WASHC2A: variants seen among roughly 807,000 people sequenced by gnomAD.
WASHC2A encodes WASH complex subunit 2A.
Under a neutral mutation model 140.3 loss-of-function variants are expected in WASHC2A, and 82 were observed. That is an observed-to-expected ratio of 0.58 (90% confidence interval 0.49 to 0.70). WASHC2A has a LOEUF of 0.70. Ranked by LOEUF, WASHC2A falls within the 30% of genes least tolerant of loss-of-function variation. The pLI, the probability that WASHC2A is intolerant of heterozygous loss-of-function variation, is 0.00. For synonymous variants in WASHC2A, 340 were observed against 560.8 expected, an observed-to-expected ratio of 0.61 and a Z score of 5.56; for missense variants, 985 against 1,521.8, an observed-to-expected ratio of 0.65 and a Z score of 5.87.
Position 50,091,417 on chromosome 10 carries a change from T to C in WASHC2A, c.844-14T>C. 1 of 1,549,322 alleles carries C rather than the reference T, an allele frequency of 6.5e-7. No individual in the cohort carries two copies. The highest frequency in any genetic ancestry group is 2.4e-5 in the East Asian group (1 of 40,904). Reference sequence around the variant, plus strand: ...GTTACAAAAAAGCGATTCTTTTGATTTCTCCTGCTGTAGAAAAGAAGCAGA... The same window carrying C: ...GTTACAAAAAAGCGATTCTTTTGATCTCTCCTGCTGTAGAAAAGAAGCAGA... On this transcript the variant is annotated splice_polypyrimidine_tract_variant and intron_variant, in intron 9 of 30. Transcript: ENST00000282633.
chr10:50,079,760 G>T (rs1191968880), intron 4 of WASHC2A, among the ~76,000 whole-genome samples: 1 of 151,984 alleles, frequency 6.6e-6, no homozygotes, highest in Non-Finnish European at 1.5e-5. Flanking sequence ...GTAGTATCTG[G>T]TTATACCAAT....
chr10:50,100,859 C>T (rs1426431518), intron 17 of WASHC2A, among the ~76,000 whole-genome samples: 1 of 152,310 alleles, frequency 6.6e-6, no homozygotes, highest in East Asian at 1.9e-4. Context: ...CTCAGAATTT[C>T]ACTGCTTTTC....
chr10:50,107,393 A>G (rs1589242874), intron 19 of WASHC2A, among the ~76,000 whole-genome samples: 1 of 146,696 alleles, frequency 6.8e-6, no homozygotes, highest in Admixed American at 7.0e-5. Context: ...TGCTAACTCA[A>G]TCAGATTTAG....
Position 50,076,981 on chromosome 10 carries a change from G to A in WASHC2A, c.292-1694G>A, listed in dbSNP as rs1405052461. 1.1e-4 allele frequency among the ~76,000 whole-genome samples: 17 copies of A among 151,340 alleles called. 1 individual carries two copies. Among genetic ancestry groups the A allele is most frequent in the Middle Eastern group, 3.4e-3 (1 of 294 alleles). On this transcript the variant is annotated intron_variant, in intron 3 of 30. Coordinates refer to ENST00000282633, the MANE Select transcript of WASHC2A (RefSeq NM_001005751.3). ...TACAAAAAAAATTAGCTGGGCATGG[G>A]TGGCAGGCACCTGTAGTCCCAGCTA...
In WASHC2A at chr10:50,110,185, C is replaced by T. The variant is rs1554889884; in HGVS notation, c.1954C>T (p.Gln652Ter). 3 of 1,611,566 alleles carry T rather than the reference C, an allele frequency of 1.9e-6. No individual in the cohort carries two copies. Among genetic ancestry groups the T allele is most frequent in the Non-Finnish European group, 2.5e-6 (3 of 1,179,794 alleles). ...KGEPRDSGTL[Q>*]SQEAKAVKKT... The stretch of plus-strand genomic sequence containing the variant: ...AGAACCCAGGGATTCTGGGACCCTC[C>T]AGAGCCAGGAGGCCAAGGCTGTGAA... The change falls in exon 20 of 31, where the codon CAG becomes TAG. Residue 652 changes from glutamine to a stop codon, truncating the protein, a stop_gained. Coordinates refer to ENST00000282633, the MANE Select transcript of WASHC2A (RefSeq NM_001005751.3). LOFTEE classifies it high-confidence loss of function.
At chr10:50,126,336 T>C in intron 26 of WASHC2A, 157 bp downstream of exon 26, 2 of 1,294,288 alleles carry the variant, frequency 1.5e-6, no homozygotes, top group Non-Finnish European at 2.1e-6. Flanking sequence ...CCCCAAGTCA[T>C]CTCCCCTCTC....
intron 19 of WASHC2A, 118 bp downstream of exon 19, chr10:50,106,583 A>G: frequency 6.8e-7 from 1 of 1,474,420 alleles, no homozygotes. Flanking sequence ...ACCAAAGGCG[A>G]TGTTCACAAG....
At chr10:50,072,888 C>T (rs1200374442) in intron 3 of WASHC2A, among the ~76,000 whole-genome samples, 1 of 152,192 alleles carries the variant, frequency 6.6e-6, no homozygotes, top group Non-Finnish European at 1.5e-5. Context: ...GGTAATTTAT[C>T]AGAAACATTC....
chr10:50,087,335 T>A lies in WASHC2A; in HGVS notation c.732+13T>A. 1 of 1,613,986 alleles carries A rather than the reference T, an allele frequency of 6.2e-7. No homozygotes were observed. The highest frequency in any genetic ancestry group is 8.5e-7 in the Non-Finnish European group (1 of 1,179,858). ...TGAACAAAACCGGGTAAGGCTCATA[T>A]ATTGAAATGACTTTGTTTTTACATT... On this transcript the variant is annotated intron_variant, in intron 8 of 30. Coordinates refer to ENST00000282633, the MANE Select transcript of WASHC2A (RefSeq NM_001005751.3).
Position 50,071,970 on chromosome 10 carries a change from A to G in WASHC2A, c.291+2259A>G, listed in dbSNP as rs1196369629. 2.5e-4 allele frequency among the ~76,000 whole-genome samples: 33 copies of G among 130,422 alleles called. 1 individual carries two copies. The highest frequency in any genetic ancestry group is 4.9e-5 in the Non-Finnish European group (3 of 61,574). 85.6% of individuals were successfully genotyped at this position (130,422 alleles called of 152,430 possible). ...GTCATCCAGGCTGGAGTGCAGTGAC[A>G]CCATCTCGGCTCACTGCAACATCCG... On this transcript the variant is annotated intron_variant, in intron 3 of 30. Coordinates refer to ENST00000282633, the MANE Select transcript of WASHC2A (RefSeq NM_001005751.3).
chr10:50,100,430 C>T (rs1185683033), intron 17 of WASHC2A, among the ~76,000 whole-genome samples: 4 of 151,866 alleles, frequency 2.6e-5, no homozygotes, highest in African/African-American at 9.7e-5. Context: ...TGCAATGAAC[C>T]GAGATCACAC....
intron 17 of WASHC2A, among the ~76,000 whole-genome samples, chr10:50,103,169 A>G (rs1326623076): frequency 2.0e-5 from 3 of 151,964 alleles, no homozygotes; most frequent in African/African-American, 7.2e-5. Context: ...TTTAGAATCT[A>G]TCAGGTCTTA....
At chr10:50,094,580 C>T (rs1260645213) in intron 13 of WASHC2A, among the ~76,000 whole-genome samples, 2 of 152,316 alleles carry the variant, frequency 1.3e-5, no homozygotes, top group African/African-American at 2.4e-5. Flanking sequence ...TTCTAAGTGC[C>T]GAGTCTCCCG....
intron 3 of WASHC2A, 77 bp downstream of exon 3, chr10:50,069,788 T>C (rs574402283): frequency 1.4e-6 from 2 of 1,453,856 alleles, no homozygotes; most frequent in Admixed American, 4.6e-5. Flanking sequence ...TACTGTTAGG[T>C]TCCCTCCTAA....
rs1222488250 is a variant in WASHC2A, at chr10:50,119,993, G to A, written c.2478+224G>A. ...TTAGAATTTCACCCCCCCTCTTCTGGGATTTACAGACCTTGTTGTTCCTTC... is the reference window on the plus strand; with the variant it reads ...TTAGAATTTCACCCCCCCTCTTCTGAGATTTACAGACCTTGTTGTTCCTTC... On this transcript the variant is annotated intron_variant, in intron 23 of 30. Coordinates refer to ENST00000282633, the MANE Select transcript of WASHC2A (RefSeq NM_001005751.3). Among the ~76,000 whole-genome samples, 2 of 137,096 alleles carry A rather than the reference G, an allele frequency of 1.5e-5. 1 individual carries two copies. The highest frequency in any genetic ancestry group is 6.6e-3 in the Middle Eastern group (2 of 302). 89.9% of individuals were successfully genotyped at this position (137,096 alleles called of 152,430 possible). A position where few individuals can be genotyped will look rare whatever the true frequency, so the allele number is the denominator to read the frequency against.
chr10:50,072,921 C>A (rs1304320575), intron 3 of WASHC2A, among the ~76,000 whole-genome samples: 1 of 152,130 alleles, frequency 6.6e-6, no homozygotes, highest in Non-Finnish European at 1.5e-5. Flanking sequence ...GTTTCTGGGT[C>A]TTATTAATTA....
At chr10:50,082,781 A>G (rs1839028004) in intron 5 of WASHC2A, among the ~76,000 whole-genome samples, 1 of 145,232 alleles carries the variant, frequency 6.9e-6, no homozygotes, top group African/African-American at 2.6e-5. Context: ...CAACCGACCA[A>G]CCCTAAATTT....
At position 50,129,423 on chromosome 10, in the gene WASHC2A, G is replaced by T. The variant is rs555524419; in HGVS notation, c.3092G>T (p.Arg1031Leu). ...ADTLHSANKS[R>L]VKMRGKRRPQ... Reference sequence around the variant, plus strand: ...TGTGTTTTTTTGCCATTGCAGAGCCGTGTCAAGATGAGAGGGAAGCGTAGA... The same window carrying T: ...TGTGTTTTTTTGCCATTGCAGAGCCTTGTCAAGATGAGAGGGAAGCGTAGA... The change falls in exon 29 of 31, where the codon CGT becomes CTT. Residue 1031 changes from arginine (R) to leucine (L), a missense_variant. Arg to Leu is a moderately radical substitution (Grantham distance 102). Coordinates refer to ENST00000282633, the MANE Select transcript of WASHC2A (RefSeq NM_001005751.3). The T allele has an allele frequency of 6.2e-7, 1 of 1,612,058 alleles. No homozygotes were observed. The highest frequency in any genetic ancestry group is 8.5e-7 in the Non-Finnish European group (1 of 1,179,870).
chr10:50,133,130 A>G lies in WASHC2A; in HGVS notation c.*185A>G. On this transcript the variant is annotated 3_prime_UTR_variant, in exon 31 of 31. Coordinates refer to ENST00000282633, the MANE Select transcript of WASHC2A (RefSeq NM_001005751.3). Reference sequence around the variant, plus strand: ...TCATGCTTAATACTACAAAACAAAAATAAATATTTCACAGTGGTTGGTTTG... The same window carrying G: ...TCATGCTTAATACTACAAAACAAAAGTAAATATTTCACAGTGGTTGGTTTG... 1.1e-6 allele frequency: 1 copy of G among 939,058 alleles called. No individual in the cohort carries two copies. The highest frequency in any genetic ancestry group is 1.7e-5 in the South Asian group (1 of 57,582). 58.2% of individuals were successfully genotyped at this position (939,058 alleles called of 1,614,324 possible).
Sources: gnomAD v4.1 joint callset for allele counts (sites outside exome capture counted in the v4.1 genomes callset) on GRCh38, gnomAD v4.1.1 for gene constraint, MANE v1.5 for transcripts, NCBI Gene and HGNC (gene_info 2026-07-23, HGNC 2026-07-21) for gene names.